The following COL8A1 variants were observed in gnomAD, a reference collection of about 807,000 sequenced individuals.
COL8A1 encodes the protein collagen alpha-1(VIII) chain.
COL8A1 carries 21 observed loss-of-function variants against 42.7 expected under a neutral mutation model. The observed-to-expected ratio is 0.49, with a 90% CI of 0.35 to 0.71. The LOEUF is 0.71. COL8A1 is among the 30% of genes least tolerant of loss of function. COL8A1 has a pLI of 0.01. For synonymous variants in COL8A1, 367 were observed against 369.1 expected, an observed-to-expected ratio of 0.99 and a Z score of 0.06; for missense variants, 788 against 962.4, an observed-to-expected ratio of 0.82 and a Z score of 2.40.
intron 1 of COL8A1, among the ~76,000 whole-genome samples, chr3:99,693,407 T>C (rs1939279214): frequency 6.6e-6 from 1 of 152,210 alleles, no homozygotes; most frequent in African/African-American, 2.4e-5. Context: ...GACAGTTCCA[T>C]GTGTATTACT....
chr3:99,784,603 G>A (rs973931718), intron 2 of COL8A1, among the ~76,000 whole-genome samples: 16 of 152,084 alleles, frequency 1.1e-4, no homozygotes, highest in African/African-American at 3.6e-4. Flanking sequence ...GTAACACAAT[G>A]GTAAGTATTT....
At chr3:99,754,053 T>C (rs899708606) in intron 2 of COL8A1, among the ~76,000 whole-genome samples, 3 of 152,220 alleles carry the variant, frequency 2.0e-5, no homozygotes, top group African/African-American at 7.2e-5. Flanking sequence ...GTTACAGATA[T>C]GGGTCTGCAA....
In COL8A1 at chr3:99,740,139, C is replaced by A. The variant is rs143293287; in HGVS notation, c.-128-4758C>A. 9.4e-3 allele frequency among the ~76,000 whole-genome samples: 1,435 copies of A among 152,268 alleles called. 5 individuals carry two copies. Among genetic ancestry groups the A allele is most frequent in the Middle Eastern group, 0.034 (10 of 294 alleles). On this transcript the variant is annotated intron_variant, in intron 1 of 3. Transcript: ENST00000652472. Reference sequence around the variant, plus strand: ...CCATCTGAGACCACCTCAGCCTGGACTTCATTATCCATATTACTATCAGCA... The same window carrying A: ...CCATCTGAGACCACCTCAGCCTGGAATTCATTATCCATATTACTATCAGCA...
At chr3:99,769,412 C>G (rs909390398) in intron 2 of COL8A1, among the ~76,000 whole-genome samples, 1 of 152,222 alleles carries the variant, frequency 6.6e-6, no homozygotes, top group African/African-American at 2.4e-5. Context: ...TATCTGCCTC[C>G]TTGGTAGCCT....
At chr3:99,783,747 G>A (rs1188939302) in intron 2 of COL8A1, among the ~76,000 whole-genome samples, 1 of 152,176 alleles carries the variant, frequency 6.6e-6, no homozygotes, top group African/African-American at 2.4e-5. Context: ...CGCAAGGTGC[G>A]GGGTTTGGGG....
chr3:99,679,294 A>T (rs1025887529), intron 1 of COL8A1: 2 of 152,250 alleles, frequency 1.3e-5, no homozygotes, highest in African/African-American at 4.8e-5. Flanking sequence ...AGCTGGACAC[A>T]TGAGAAGTGA....
At chr3:99,660,169 A>G (rs1046255990) in intron 1 of COL8A1, among the ~76,000 whole-genome samples, 9 of 152,158 alleles carry the variant, frequency 5.9e-5, no homozygotes. Context: ...CTCTGTACAG[A>G]AAGTTCCAGC....
At chr3:99,673,348 A>G (rs1938601358) in intron 1 of COL8A1, among the ~76,000 whole-genome samples, 1 of 152,038 alleles carries the variant, frequency 6.6e-6, no homozygotes, top group South Asian at 2.1e-4. Flanking sequence ...TCAAGAGTAA[A>G]AGTCCTTAAA....
At chr3:99,792,661 A>T (rs1307234045) in intron 3 of COL8A1, among the ~76,000 whole-genome samples, 1 of 152,210 alleles carries the variant, frequency 6.6e-6, no homozygotes, top group Non-Finnish European at 1.5e-5. Context: ...CCCAGTCACA[A>T]TCTCACGCCA....
rs1392157252 is a variant in COL8A1, at chr3:99,790,861, A to G, written c.179A>G (p.His60Arg). ...QYQPLGQQVPHMPLAKDGLAM... is the reference protein window; with the variant it reads ...QYQPLGQQVPRMPLAKDGLAM... ...CAGCCCCTGGGTCAGCAAGTACCTC[A>G]CATGCCTTTGGCCAAAGATGGCCTT... is the stretch of plus-strand genomic sequence containing the variant. The change falls in exon 3 of 4, where the codon CAC becomes CGC. Residue 60 changes from histidine to arginine, a missense_variant. Physicochemically the swap from His to Arg is conservative, Grantham distance 29. Coordinates refer to ENST00000652472, the MANE Select transcript of COL8A1 (RefSeq NM_020351.4). 1.2e-6 allele frequency: 2 copies of G among 1,614,220 alleles called. No homozygotes were observed. Among genetic ancestry groups the G allele is most frequent in the Non-Finnish European group, 1.7e-6 (2 of 1,180,010 alleles).
intron 2 of COL8A1, among the ~76,000 whole-genome samples, chr3:99,746,251 C>T (rs1941022544): frequency 6.6e-6 from 1 of 152,092 alleles, no homozygotes; most frequent in African/African-American, 2.4e-5. Flanking sequence ...TGGCTGGATT[C>T]CATCAAAGCC....
chr3:99,717,931 A>G (rs1940048288), intron 1 of COL8A1, among the ~76,000 whole-genome samples: 2 of 152,008 alleles, frequency 1.3e-5, no homozygotes, highest in South Asian at 4.1e-4. Flanking sequence ...CATATTGTTC[A>G]TCAGTCTCTA....
chr3:99,767,665 T>C (rs1343958316), intron 2 of COL8A1, among the ~76,000 whole-genome samples: 1 of 152,164 alleles, frequency 6.6e-6, no homozygotes, highest in Non-Finnish European at 1.5e-5. Flanking sequence ...CCCAACTATA[T>C]TGTAGCCCAT....
At chr3:99,786,958 C>A (rs1384385492) in intron 2 of COL8A1, among the ~76,000 whole-genome samples, 1 of 152,072 alleles carries the variant, frequency 6.6e-6, no homozygotes, top group Non-Finnish European at 1.5e-5. Flanking sequence ...AAATCTTGTA[C>A]AAGTAGGAGG....
chr3:99,690,562 G>A (rs1260750308), intron 1 of COL8A1, among the ~76,000 whole-genome samples: 2 of 152,160 alleles, frequency 1.3e-5, no homozygotes, highest in African/African-American at 4.8e-5. Flanking sequence ...TGCACCCCCA[G>A]GGACTCAAAA....
chr3:99,731,125 G>A (rs554027760), intron 1 of COL8A1, among the ~76,000 whole-genome samples: 2 of 152,148 alleles, frequency 1.3e-5, no homozygotes, highest in East Asian at 3.9e-4. Context: ...GGGGAGAGAA[G>A]AACGATAGGG....
At chr3:99,648,347 T>G (rs1440947667) in intron 1 of COL8A1, among the ~76,000 whole-genome samples, 2 of 152,200 alleles carry the variant, frequency 1.3e-5, no homozygotes, top group African/African-American at 4.8e-5. Flanking sequence ...AAACTTCCTA[T>G]GACAACGCCT....
chr3:99,776,488 G>C (rs1483772635), intron 2 of COL8A1, among the ~76,000 whole-genome samples: 1 of 152,166 alleles, frequency 6.6e-6, no homozygotes, highest in African/African-American at 2.4e-5. Context: ...ATGAGCTCAG[G>C]GGAATGGGTC....
chr3:99,642,965 T>C (rs988064847), intron 1 of COL8A1, among the ~76,000 whole-genome samples: 2 of 152,156 alleles, frequency 1.3e-5, no homozygotes, highest in African/African-American at 4.8e-5. Flanking sequence ...TATTATAACT[T>C]CTTGGAAATT....
Sources: gnomAD v4.1 joint callset for allele counts (sites outside exome capture counted in the v4.1 genomes callset) on GRCh38, gnomAD v4.1.1 for gene constraint, MANE v1.5 for transcripts, NCBI Gene and HGNC (gene_info 2026-07-23, HGNC 2026-07-21) for gene names.